The following STAU2 variants were observed in gnomAD, a reference collection of about 807,000 sequenced individuals.
STAU2 encodes staufen double-stranded RNA binding protein 2.
STAU2 carries 20 observed loss-of-function variants against 65.9 expected under a neutral mutation model. The observed-to-expected ratio is 0.30, with a 90% CI of 0.21 to 0.44. The LOEUF (loss-of-function observed/expected upper bound fraction) is 0.44. STAU2 is among the 20% of genes least tolerant of loss of function. The pLI is 1.00. For synonymous variants in STAU2, 232 were observed against 233.9 expected (o/e 0.99, Z 0.07); for missense variants, 558 against 683.9 (o/e 0.82, Z 2.05).
intron 5 of STAU2, among the ~76,000 whole-genome samples, chr8:73,679,936 G>A (rs1301748517): frequency 7.1e-6 from 1 of 140,012 alleles, no homozygotes; most frequent in African/African-American, 2.6e-5. Context: ...AAGCAGCAGC[G>A]ATAAGAGACC....
At chr8:73,623,613 T>C (rs1813424628) in intron 6 of STAU2, among the ~76,000 whole-genome samples, 1 of 152,180 alleles carries the variant, frequency 6.6e-6, no homozygotes, top group South Asian at 2.1e-4. Flanking sequence ...CTACAAAATA[T>C]TTGTAGAATT....
chr8:73,664,306 G>T (rs967498113), intron 6 of STAU2, among the ~76,000 whole-genome samples: 5 of 152,186 alleles, frequency 3.3e-5, no homozygotes, highest in African/African-American at 1.2e-4. Flanking sequence ...TTACAGGCAT[G>T]AGCCACCGTA....
At chr8:73,667,831 G>C (rs1182861481) in intron 6 of STAU2, among the ~76,000 whole-genome samples, 1 of 152,198 alleles carries the variant, frequency 6.6e-6, no homozygotes, top group Non-Finnish European at 1.5e-5. Flanking sequence ...TGCAAATGAG[G>C]AAATTAATGG....
chr8:73,738,320 A>G lies in STAU2; in HGVS notation c.-54T>C. The G allele has an allele frequency of 6.2e-7, 1 of 1,604,686 alleles. No homozygotes were observed. The highest frequency in any genetic ancestry group is 1.3e-5 in the African/African-American group (1 of 74,478). ...GAAGCATGTTAAGACAATATTGACC[A>G]AACTGCTGTATCCCTCACGGCTCCA... On this transcript the variant is annotated 5_prime_UTR_variant, in exon 3 of 15. Transcript: ENST00000524300.
Position 73,506,069 on chromosome 8 carries a change from T to C in STAU2, c.1530+45943A>G, listed in dbSNP as rs143305952. ...AGATGTTGGTGCCACCCTTGCTGTA[T>C]AGCCTGCAGAACTATGAGCTAATGA... On this transcript the variant is annotated intron_variant, in intron 13 of 14. Transcript: ENST00000524300. Among the ~76,000 whole-genome samples, 727 of 152,290 alleles carry C rather than the reference T, an allele frequency of 4.8e-3. 7 individuals are homozygous for C. The highest frequency in any genetic ancestry group is 0.017 in the African/African-American group (697 of 41,578).
rs532151863 is a variant in STAU2 at position 73,719,794 on chromosome 8, G to T, written c.-17-10632C>A. ...TAATTTCCTTAAAATGTATTTGTCTGATTCTGGTATCCCAGTAATGCTGGC... is the reference window on the plus strand; with the variant it reads ...TAATTTCCTTAAAATGTATTTGTCTTATTCTGGTATCCCAGTAATGCTGGC... On this transcript the variant is annotated intron_variant, in intron 3 of 14. Coordinates refer to ENST00000524300, the MANE Select transcript of STAU2 (RefSeq NM_001164380.2). Among the ~76,000 whole-genome samples, 7 of 152,260 alleles carry T rather than the reference G, an allele frequency of 4.6e-5. 1 individual carries two copies. The highest frequency in any genetic ancestry group is 6.8e-3 in the Middle Eastern group (2 of 294).
intron 13 of STAU2, among the ~76,000 whole-genome samples, chr8:73,537,769 A>T (rs1806279337): frequency 6.6e-6 from 1 of 152,244 alleles, no homozygotes; most frequent in African/African-American, 2.4e-5. Flanking sequence ...GAAAAAGAGT[A>T]TGAATATTGG....
At chr8:73,632,531 A>G (rs1814177592) in intron 6 of STAU2, among the ~76,000 whole-genome samples, 1 of 152,208 alleles carries the variant, frequency 6.6e-6, no homozygotes, top group African/African-American at 2.4e-5. Context: ...GGGTTTGCAA[A>G]TAAGACCATA....
At chr8:73,539,966 GA>G (rs1396957168) in intron 13 of STAU2, among the ~76,000 whole-genome samples, 14 of 145,416 alleles carry the variant, frequency 9.6e-5, no homozygotes, top group African/African-American at 3.2e-4. Flanking sequence ...GAAGGAAAAA[GA>G]GAGAAAAAAG....
intron 6 of STAU2, among the ~76,000 whole-genome samples, chr8:73,657,181 T>C (rs1206542905): frequency 4.6e-5 from 7 of 152,056 alleles, no homozygotes; most frequent in African/African-American, 1.2e-4. Flanking sequence ...CAAAAAAACA[T>C]ATAAAAGACC....
rs967618804 is a variant in STAU2, at chr8:73,421,226, T to C, written c.*146A>G. 13 of 682,876 alleles carry C rather than the reference T, an allele frequency of 1.9e-5. 1 individual carries two copies. The highest frequency in any genetic ancestry group is 1.8e-4 in the African/African-American group (10 of 55,578). 42.3% of individuals were successfully genotyped at this position (682,876 alleles called of 1,614,324 possible). ...CCCCAGTTGAATAAACAGTACCATG[T>C]ATATTATCTCTCGTGTTAGAATAGT... is the stretch of plus-strand genomic sequence containing the variant. On this transcript the variant is annotated 3_prime_UTR_variant, in exon 15 of 15. Coordinates refer to ENST00000524300, the MANE Select transcript of STAU2 (RefSeq NM_001164380.2).
intron 13 of STAU2, among the ~76,000 whole-genome samples, chr8:73,432,292 C>T (rs58726254): frequency 0.069 from 10,539 of 152,200 alleles, 958 homozygotes; most frequent in African/African-American, 0.21. Context: ...TAATTAAATC[C>T]GTCTCCTTTC....
intron 12 of STAU2, among the ~76,000 whole-genome samples, chr8:73,568,507 G>A (rs1046191124): frequency 1.3e-5 from 2 of 152,068 alleles, no homozygotes; most frequent in Non-Finnish European, 2.9e-5. Flanking sequence ...AAAGGCTGAG[G>A]CAAGAGGATC....
At chr8:73,430,028 A>G (rs1480965007) in intron 13 of STAU2, among the ~76,000 whole-genome samples, 1 of 152,236 alleles carries the variant, frequency 6.6e-6, no homozygotes, top group Non-Finnish European at 1.5e-5. Flanking sequence ...AAACTAAATT[A>G]CTAATTATTT....
intron 13 of STAU2, among the ~76,000 whole-genome samples, chr8:73,493,074 A>C (rs770302565): frequency 5.9e-5 from 9 of 151,886 alleles, no homozygotes; most frequent in Non-Finnish European, 1.0e-4. Flanking sequence ...AGAATAACTG[A>C]ATATCCATGT....
intron 6 of STAU2, among the ~76,000 whole-genome samples, chr8:73,650,578 C>T (rs2130222693): frequency 6.6e-6 from 1 of 152,138 alleles, no homozygotes; most frequent in Non-Finnish European, 1.5e-5. Flanking sequence ...AATGATAACC[C>T]CCATCTCTAA....
chr8:73,535,321 C>A (rs929730513), intron 13 of STAU2, among the ~76,000 whole-genome samples: 1 of 152,148 alleles, frequency 6.6e-6, no homozygotes, highest in African/African-American at 2.4e-5. Context: ...AGGCGCCCAC[C>A]ACCACGCCTG....
At chr8:73,449,479 C>A (rs920921790) in intron 13 of STAU2, among the ~76,000 whole-genome samples, 2 of 152,196 alleles carry the variant, frequency 1.3e-5, no homozygotes, top group Non-Finnish European at 2.9e-5. Flanking sequence ...CAAATACAGC[C>A]ACATTCTGAG....
rs1206391890 is a variant in STAU2, at chr8:73,646,065, T to A, written c.410+27042A>T. On this transcript the variant is annotated intron_variant, in intron 6 of 14. Transcript: ENST00000524300. ...AAACAAAGAAATAAAAATGTCCCTA[T>A]TTAAAGATGAAATAATTGTCTGTGT... is the stretch of plus-strand genomic sequence containing the variant. Among the ~76,000 whole-genome samples the A allele has an allele frequency of 9.2e-5, 14 of 152,236 alleles. No homozygotes were observed. In the East Asian group the frequency reaches 2.7e-3, roughly 29 times the overall value.
Sources: allele counts gnomAD v4.1 joint callset (sites outside exome capture counted in the v4.1 genomes callset), GRCh38; gene constraint gnomAD v4.1.1; transcripts MANE v1.5; gene names NCBI Gene and HGNC (gene_info 2026-07-23, HGNC 2026-07-21).